Variants in PAX9 observed in about 807,000 individuals in gnomAD.
PAX9 encodes paired box 9.
Under a neutral mutation model 29.1 loss-of-function variants are expected in PAX9, and 6 were observed. That is an observed-to-expected ratio of 0.21 (90% CI 0.11 to 0.41). The LOEUF is 0.41. Among genes scored for constraint, PAX9 ranks in the 10% least tolerant of loss-of-function variants. The pLI, the probability that PAX9 is intolerant of heterozygous loss-of-function variation, is 1.00. For synonymous variants in PAX9, 217 were observed against 211.7 expected, an observed-to-expected ratio of 1.03 and a Z score of -0.22; for missense variants, 443 against 479.1, an observed-to-expected ratio of 0.92 and a Z score of 0.70.
intron 2 of PAX9, among the ~76,000 whole-genome samples, chr14:36,664,860 G>T (rs1881428162): frequency 6.6e-6 from 1 of 152,104 alleles, no homozygotes; most frequent in African/African-American, 2.4e-5. Flanking sequence ...GTTTACAAGA[G>T]CCCAGTTTTG....
intron 3 of PAX9, among the ~76,000 whole-genome samples, chr14:36,673,512 T>C (rs1262859299): frequency 6.4e-5 from 1 of 15,634 alleles, no homozygotes; most frequent in East Asian, 7.0e-4. Context: ...ATGCAGCATG[T>C]CTCTGAGGGC....
chr14:36,666,798 G>A (rs1881514667), intron 3 of PAX9, among the ~76,000 whole-genome samples, 197 bp downstream of exon 3: 1 of 152,200 alleles, frequency 6.6e-6, no homozygotes. Flanking sequence ...CTGGGGCCTC[G>A]ACCCCCGCCA....
In PAX9 at chr14:36,667,218, A is replaced by T. The variant is rs189827476; in HGVS notation, c.771+617A>T. On this transcript the variant is annotated intron_variant, in intron 3 of 3. Transcript: ENST00000361487. The stretch of plus-strand genomic sequence containing the variant: ...AGGTCACATTGTAATCTCCCAAGGA[A>T]GTTAGTGAGAAAACCTCAAATTATA... Among the ~76,000 whole-genome samples, 255 of 152,338 alleles carry T rather than the reference A, an allele frequency of 1.7e-3. 5 individuals are homozygous for T. The highest frequency in any genetic ancestry group is 5.8e-3 in the African/African-American group (243 of 41,584).
chr14:36,676,841 A>G lies in PAX9; in HGVS notation c.*389A>G, dbSNP rs908091277. The G allele has an allele frequency of 1.1e-4, 27 of 236,440 alleles. No homozygotes were observed. The highest frequency in any genetic ancestry group is 8.2e-4 in the East Asian group (8 of 9,758). The allele number at this position is 236,440 out of a possible 1,614,324, so 14.6% of individuals were successfully genotyped here. On this transcript the variant is annotated 3_prime_UTR_variant, in exon 4 of 4. Transcript: ENST00000361487. Reference sequence around the variant, plus strand: ...TCAACCTGAACTTTTGAAATGTGCAATTGTTGAGATTTTGCAAAATCAATA... The same window carrying G: ...TCAACCTGAACTTTTGAAATGTGCAGTTGTTGAGATTTTGCAAAATCAATA...
At chr14:36,676,068 T>TA in intron 3 of PAX9, 130 bp from the exon 4 acceptor site, 2 of 859,656 alleles carry the variant, frequency 2.3e-6, no homozygotes, top group Non-Finnish European at 3.6e-6. Flanking sequence ...CAAATTTTTT[T>TA]AAAAAGTTGG....
rs548704802 is a variant in PAX9, at chr14:36,674,048, C to A, written c.772-2150C>A. On this transcript the variant is annotated intron_variant, in intron 3 of 3. Transcript: ENST00000361487. ...ACTCATTTATCATAGATTATTGGGACAATTCTAAATAAAAATGATTAAAAC... is the reference window on the plus strand; with the variant it reads ...ACTCATTTATCATAGATTATTGGGAAAATTCTAAATAAAAATGATTAAAAC... Among the ~76,000 whole-genome samples, 15 of 152,228 alleles carry A rather than the reference C, an allele frequency of 9.9e-5. No individual in the cohort carries two copies. In the East Asian group the frequency reaches 1.4e-3, roughly 14 times the overall value.
chr14:36,667,318 AC>A (rs1881542837), intron 3 of PAX9, among the ~76,000 whole-genome samples: 1 of 151,704 alleles, frequency 6.6e-6, no homozygotes, highest in South Asian at 2.1e-4. Flanking sequence ...AATTTAAAAC[AC>A]TCGTGTTTTT....
Position 36,663,369 on chromosome 14 carries a change from CTACTCG to C in PAX9, c.481_486del (p.Ser161_Tyr162del), listed in dbSNP as rs764941899. ...AGCCAGCGCTGCCCTACAACCACAT[CTACTCG>C]TACCCCAGCCCTATCACGGCGGCGG... On this transcript the variant is annotated inframe_deletion, in exon 2 of 4. Transcript: ENST00000361487. The C allele has an allele frequency of 6.2e-7, 1 of 1,613,992 alleles. No homozygotes were observed. The highest frequency in any genetic ancestry group is 1.1e-5 in the South Asian group (1 of 91,088).
upstream of PAX9, among the ~76,000 whole-genome samples, chr14:36,658,061 G>A (rs1881099355): frequency 6.6e-6 from 1 of 152,100 alleles, no homozygotes; most frequent in South Asian, 2.1e-4. Context: ...CCTCGCCCTG[G>A]GCGCGGGGCG....
Position 36,676,507 on chromosome 14 carries a change from T to C in PAX9, c.*55T>C. The C allele has an allele frequency of 6.3e-7, 1 of 1,594,910 alleles. No individual in the cohort carries two copies. The highest frequency in any genetic ancestry group is 8.5e-7 in the Non-Finnish European group (1 of 1,174,792). On this transcript the variant is annotated 3_prime_UTR_variant, in exon 4 of 4. Transcript: ENST00000361487. ...CGGGTCTCCCTGTCTCAGCACCTCC[T>C]CCCCCAATTCCCAGGTCTCACATCC...
At chr14:36,674,531 G>A (rs1300943072) in intron 3 of PAX9, among the ~76,000 whole-genome samples, 2 of 152,214 alleles carry the variant, frequency 1.3e-5, no homozygotes, top group South Asian at 2.1e-4. Context: ...TTTAAAAAAT[G>A]CAGCAGCATC....
At chr14:36,662,544 C>CGTA in intron 1 of PAX9, 1 of 435,814 alleles carries the variant, frequency 2.3e-6, no homozygotes, top group Non-Finnish European at 4.1e-6. Context: ...GAGGGAGCGG[C>CGTA]TCAAGGACTT....
chr14:36,663,928 G>A (rs1028041161), intron 2 of PAX9, among the ~76,000 whole-genome samples: 6 of 152,254 alleles, frequency 3.9e-5, no homozygotes, highest in African/African-American at 1.2e-4. Flanking sequence ...AGACTCCGCT[G>A]TGGGCAGAGC....
In PAX9 at chr14:36,663,507, C is replaced by T. The variant is rs1881371080; in HGVS notation, c.615C>T (p.Arg205=). ...SHSVTDILGI[R]SITDQVSDSS... ...CCGTCACCGACATCCTGGGCATCCG[C>T]TCCATCACCGACCAAGGTAGGGGCT... The change falls in exon 2 of 4, where the codon CGC becomes CGT. Residue 205 remains arginine (R), a synonymous_variant. Transcript: ENST00000361487. The T allele has an allele frequency of 2.5e-6, 4 of 1,612,964 alleles. No individual in the cohort carries two copies. The highest frequency in any genetic ancestry group is 3.3e-4 in the Middle Eastern group (2 of 6,062).
chr14:36,661,781 C>T, upstream of PAX9: 1 of 505,254 alleles, frequency 2.0e-6, no homozygotes, highest in South Asian at 2.5e-5. Flanking sequence ...GCACCAATCA[C>T]CATGCAGCTT....
chr14:36,663,372 C>T lies in PAX9; in HGVS notation c.480C>T (p.Tyr160=), dbSNP rs929506828. The T allele has an allele frequency of 6.2e-7, 1 of 1,613,992 alleles. No homozygotes were observed. ...PQPALPYNHI[Y]SYPSPITAAA... is the part of the protein sequence containing the mutation. ...CAGCGCTGCCCTACAACCACATCTA[C>T]TCGTACCCCAGCCCTATCACGGCGG... Residue 160 remains tyrosine, a synonymous_variant, in exon 2 of 4, where the codon TAC becomes TAT. Coordinates refer to ENST00000361487, the MANE Select transcript of PAX9 (RefSeq NM_001372076.1).
upstream of PAX9, among the ~76,000 whole-genome samples, chr14:36,660,581 G>A (rs1271472941): frequency 1.3e-5 from 2 of 152,134 alleles, no homozygotes; most frequent in Non-Finnish European, 2.9e-5. Flanking sequence ...TGAGATCTGG[G>A]ACCAGTCAGC....
At chr14:36,660,102 C>G (rs2139104115), upstream of PAX9, among the ~76,000 whole-genome samples, 1 of 152,240 alleles carries the variant, frequency 6.6e-6, no homozygotes, top group East Asian at 1.9e-4. Flanking sequence ...TTCATTCCCT[C>G]CCGCAAGCCT....
upstream of PAX9, chr14:36,657,903 C>A (rs1473652740): frequency 1.3e-5 from 2 of 152,356 alleles, no homozygotes; most frequent in Non-Finnish European, 2.9e-5. Context: ...GGCCGCAGGT[C>A]AGTGTGCGGG....
Sources: allele counts gnomAD v4.1 joint callset (sites outside exome capture counted in the v4.1 genomes callset), GRCh38; gene constraint gnomAD v4.1.1; transcripts MANE v1.5; gene names NCBI Gene and HGNC (gene_info 2026-07-23, HGNC 2026-07-21).